ZNF641: variants seen among roughly 807,000 people sequenced by gnomAD.
The protein encoded by ZNF641 is zinc finger protein 641.
Under a neutral mutation model 46.2 loss-of-function variants are expected in ZNF641, and 26 were observed. That is an observed-to-expected ratio of 0.56 (90% CI 0.41 to 0.78). The LOEUF is 0.78. Among genes scored for constraint, ZNF641 ranks in the 30% least tolerant of loss-of-function variants. The probability of loss-of-function intolerance (pLI) is 0.00; values close to 1 mark genes in which losing one functional copy is unlikely to be tolerated. For synonymous variants in ZNF641, 163 were observed against 187.9 expected (o/e 0.87, Z 1.09); for missense variants, 469 against 517.8 (o/e 0.91, Z 0.91).
intron 1 of ZNF641, chr12:48,350,544 C>T (rs1953003223): frequency 1.2e-5 from 2 of 162,776 alleles, no homozygotes; most frequent in South Asian, 1.7e-4. Context: ...CACGGGGTAA[C>T]CTGTGCGCGA....
At position 48,347,257 on chromosome 12, in the gene ZNF641, A is replaced by T; in HGVS notation, c.271T>A (p.Ser91Thr). Residue 91 changes from serine to threonine, a missense_variant, in exon 3 of 6, where the codon TCA becomes ACA. By Grantham distance (58) the Ser-to-Thr change is moderately conservative. Coordinates refer to ENST00000547026, the MANE Select transcript of ZNF641 (RefSeq NM_001172681.2). Reference sequence around the variant, plus strand: ...CCAAGGGAAGCAGAGCTCACCTGTGATCCAGCCGCAAGAAGTGCAGCTGCC... The same window carrying T: ...CCAAGGGAAGCAGAGCTCACCTGTGTTCCAGCCGCAAGAAGTGCAGCTGCC... ...EMAAALLAAG[S>T]QGLVTIKDVS... is the part of the protein sequence containing the mutation. The T allele has an allele frequency of 6.2e-7, 1 of 1,613,920 alleles. No individual in the cohort carries two copies. Among genetic ancestry groups the T allele is most frequent in the Middle Eastern group, 1.7e-4 (1 of 6,036 alleles).
chr12:48,342,932 C>A lies in ZNF641; in HGVS notation c.*41G>T, dbSNP rs1952754492. On this transcript the variant is annotated 3_prime_UTR_variant, in exon 6 of 6. Transcript: ENST00000547026. ...GCCCTGGCAGTGACTCCTGGTAGCA[C>A]CGGCTGATAGACTTGACCATAGCTG... The A allele has an allele frequency of 6.4e-7, 1 of 1,561,244 alleles. No individual in the cohort carries two copies. The highest frequency in any genetic ancestry group is 2.2e-5 in the East Asian group (1 of 44,636).
At chr12:48,344,402 C>A in intron 5 of ZNF641, 197 bp downstream of exon 5, 1 of 418,116 alleles carries the variant, frequency 2.4e-6, no homozygotes, top group South Asian at 5.8e-5. Context: ...TCCAAGGTCC[C>A]ACAACTACAG....
chr12:48,334,809 G>A (rs989950587), downstream of ZNF641, among the ~76,000 whole-genome samples: 1 of 152,230 alleles, frequency 6.6e-6, no homozygotes, highest in South Asian at 2.1e-4. Flanking sequence ...GGTAGATAGA[G>A]AAGGAGGTTC....
rs1451769872 is a variant in ZNF641 at position 48,340,600 on chromosome 12, G to T, written c.*2373C>A. On this transcript the variant is annotated 3_prime_UTR_variant, in exon 6 of 6. Transcript: ENST00000547026. ...CTAATTCTTGACACAAATATATAAT[G>T]ACCATTTTAGATCGGGGAACTCCCT... The T allele has an allele frequency of 1.0e-6, 1 of 985,378 alleles. No individual in the cohort carries two copies. The highest frequency in any genetic ancestry group is 1.2e-6 in the Non-Finnish European group (1 of 829,924). The allele number at this position is 985,378 out of a possible 1,614,324, so 61.0% of individuals were successfully genotyped here.
chr12:48,349,910 C>T, intron 1 of ZNF641: 1 of 1,039,598 alleles, frequency 9.6e-7, no homozygotes, highest in Non-Finnish European at 1.5e-6. Flanking sequence ...TTCTCCATCT[C>T]CCCCAGGTAG....
chr12:48,348,232 T>A, intron 1 of ZNF641, 117 bp from the exon 2 acceptor site: 1 of 1,007,354 alleles, frequency 9.9e-7, no homozygotes, highest in Non-Finnish European at 1.5e-6. Flanking sequence ...AGGAGCTTGC[T>A]GGAAGATGAA....
rs1466327517 is a variant in ZNF641 at position 48,341,634 on chromosome 12, T to C, written c.*1339A>G. On this transcript the variant is annotated 3_prime_UTR_variant, in exon 6 of 6. Coordinates refer to ENST00000547026, the MANE Select transcript of ZNF641 (RefSeq NM_001172681.2). Reference sequence around the variant, plus strand: ...GAGGCAGTCAAATTCAAACCAGTGATGGCAACAACTTGCAAACACGTAATT... The same window carrying C: ...GAGGCAGTCAAATTCAAACCAGTGACGGCAACAACTTGCAAACACGTAATT... 1 of 985,352 alleles carries C rather than the reference T, an allele frequency of 1.0e-6. No homozygotes were observed. The highest frequency in any genetic ancestry group is 1.2e-6 in the Non-Finnish European group (1 of 829,948). 61.0% of individuals were successfully genotyped at this position (985,352 alleles called of 1,614,324 possible).
chr12:48,336,689 T>A (rs1952607446), downstream of ZNF641, among the ~76,000 whole-genome samples: 1 of 152,186 alleles, frequency 6.6e-6, no homozygotes, highest in Non-Finnish European at 1.5e-5. Flanking sequence ...GAATATCCAG[T>A]TATTGCAAAC....
Position 48,340,423 on chromosome 12 carries a change from G to A in ZNF641, c.*2550C>T. On this transcript the variant is annotated 3_prime_UTR_variant, in exon 6 of 6. Transcript: ENST00000547026. Reference sequence around the variant, plus strand: ...CAAGTCCTTCAAACAAGATTTGTGAGGAGCTGGATTTGTCAGCATGTCAGA... The same window carrying A: ...CAAGTCCTTCAAACAAGATTTGTGAAGAGCTGGATTTGTCAGCATGTCAGA... 1.0e-6 allele frequency: 1 copy of A among 985,462 alleles called. No individual in the cohort carries two copies. The highest frequency in any genetic ancestry group is 1.2e-6 in the Non-Finnish European group (1 of 829,938). 61.0% of individuals were successfully genotyped at this position (985,462 alleles called of 1,614,324 possible).
rs1952745255 is a variant in ZNF641, at chr12:48,342,615, T to C, written c.*358A>G. 1.2e-5 allele frequency: 5 copies of C among 413,696 alleles called. No homozygotes were observed. In the South Asian group the frequency reaches 3.4e-4, roughly 28 times the overall value. 25.6% of individuals were successfully genotyped at this position (413,696 alleles called of 1,614,324 possible). A position where few individuals can be genotyped will look rare whatever the true frequency, so the allele number is the denominator to read the frequency against. On this transcript the variant is annotated 3_prime_UTR_variant, in exon 6 of 6. Transcript: ENST00000547026. The stretch of plus-strand genomic sequence containing the variant: ...TAGAGAAAATATAATAGTAACAGTA[T>C]GCAAGAGTGATACTCAAAATGTTTA...
At position 48,342,389 on chromosome 12, in the gene ZNF641, A is replaced by C; in HGVS notation, c.*584T>G. The C allele has an allele frequency of 1.0e-6, 1 of 985,842 alleles. No homozygotes were observed. The highest frequency in any genetic ancestry group is 1.2e-6 in the Non-Finnish European group (1 of 830,264). The allele number at this position is 985,842 out of a possible 1,614,324, so 61.1% of individuals were successfully genotyped here. ...AAAAGGGGGCTCTGGATGCCTGATC[A>C]CTATCTCTTGTTTCCTTGTTACTCT... On this transcript the variant is annotated 3_prime_UTR_variant, in exon 6 of 6. Transcript: ENST00000547026.
downstream of ZNF641, among the ~76,000 whole-genome samples, chr12:48,335,371 C>T (rs2450993): frequency 1.2e-4 from 19 of 152,122 alleles, no homozygotes; most frequent in Non-Finnish European, 2.6e-4. Flanking sequence ...CTAGTATTAG[C>T]CTTTTTCCTC....
intron 3 of ZNF641, among the ~76,000 whole-genome samples, chr12:48,345,960 G>A (rs1460238345): frequency 6.7e-6 from 1 of 150,350 alleles, no homozygotes; most frequent in African/African-American, 2.5e-5. Flanking sequence ...CTGGAGTGCA[G>A]TAGCACAATC....
chr12:48,349,434 G>A (rs1391391021), intron 1 of ZNF641, among the ~76,000 whole-genome samples: 1 of 152,172 alleles, frequency 6.6e-6, no homozygotes, highest in Non-Finnish European at 1.5e-5. Context: ...CAGAAACTTG[G>A]TAACTATCCT....
downstream of ZNF641, among the ~76,000 whole-genome samples, chr12:48,335,296 G>T (rs1952596454): frequency 6.6e-6 from 1 of 152,086 alleles, no homozygotes; most frequent in Non-Finnish European, 1.5e-5. Context: ...CTTCTTCTTG[G>T]TCATGGGACA....
chr12:48,347,606 T>C (rs1338407999), intron 2 of ZNF641, among the ~76,000 whole-genome samples: 13 of 152,220 alleles, frequency 8.5e-5, no homozygotes, highest in Admixed American at 8.5e-4. Flanking sequence ...TCTTACTGAG[T>C]GGGTTATCCA....
chr12:48,342,203 G>GAT lies in ZNF641; in HGVS notation c.*768_*769dup. On this transcript the variant is annotated 3_prime_UTR_variant, in exon 6 of 6. Coordinates refer to ENST00000547026, the MANE Select transcript of ZNF641 (RefSeq NM_001172681.2). ...GCCTTGTAGTGTGATCTCTCAGCTG[G>GAT]ATATATGTATGTGCAGGATGAAGGG... The GAT allele has an allele frequency of 1.0e-6, 1 of 985,390 alleles. No individual in the cohort carries two copies. The highest frequency in any genetic ancestry group is 1.2e-6 in the Non-Finnish European group (1 of 829,960). 61.0% of individuals were successfully genotyped at this position (985,390 alleles called of 1,614,324 possible).
At position 48,349,989 on chromosome 12, in the gene ZNF641, C is replaced by T. The variant is rs1952982617; in HGVS notation, c.-26+797G>A. Reference sequence around the variant, plus strand: ...GCCAGCTGTAAGTTTTTCTATACCACTGACAGAAATCCGTGGAAGTGCTAG... The same window carrying T: ...GCCAGCTGTAAGTTTTTCTATACCATTGACAGAAATCCGTGGAAGTGCTAG... On this transcript the variant is annotated intron_variant, in intron 1 of 5. Coordinates refer to ENST00000547026, the MANE Select transcript of ZNF641 (RefSeq NM_001172681.2). The T allele has an allele frequency of 3.1e-6, 5 of 1,610,544 alleles. No homozygotes were observed. In the East Asian group the frequency reaches 1.1e-4, roughly 36 times the overall value.
Sources: allele counts gnomAD v4.1 joint callset (sites outside exome capture counted in the v4.1 genomes callset), GRCh38; gene constraint gnomAD v4.1.1; transcripts MANE v1.5; gene names NCBI Gene and HGNC (gene_info 2026-07-23, HGNC 2026-07-21).